FAM167A: variants seen among roughly 807,000 people sequenced by gnomAD.
FAM167A encodes the protein family with sequence similarity 167 member A.
In FAM167A, 23 loss-of-function variants were observed where a neutral mutation model predicts 14.9. That is an observed-to-expected ratio of 1.55 (90% CI 1.11 to 2.19). The LOEUF (loss-of-function observed/expected upper bound fraction) is 2.19. Ranked by LOEUF, FAM167A falls within the 30% of genes most tolerant of loss-of-function variation. The pLI, the probability that FAM167A is intolerant of heterozygous loss-of-function variation, is 0.00. For synonymous variants in FAM167A, 174 were observed against 117.7 expected (o/e 1.48, Z -3.10); for missense variants, 401 against 281.5 (o/e 1.42, Z -3.04).
chr8:11,450,711 A>C (rs539027390), intron 1 of FAM167A, among the ~76,000 whole-genome samples: 2 of 152,304 alleles, frequency 1.3e-5, no homozygotes, highest in African/African-American at 4.8e-5. Flanking sequence ...TGAGCCAATA[A>C]AACAGATTTC....
chr8:11,455,891 CAG>C (rs1491219796), intron 1 of FAM167A, among the ~76,000 whole-genome samples: 5 of 57,252 alleles, frequency 8.7e-5, no homozygotes, highest in South Asian at 1.3e-3. Context: ...GGTTGCCTTG[CAG>C]AGTGTGAGTG....
chr8:11,449,659 C>T lies in FAM167A; in HGVS notation c.-397-4851G>A, dbSNP rs115372009. 2.7e-3 allele frequency among the ~76,000 whole-genome samples: 405 copies of T among 152,362 alleles called. 4 individuals are homozygous for T. Among genetic ancestry groups the T allele is most frequent in the African/African-American group, 9.4e-3 (392 of 41,588 alleles). On this transcript the variant is annotated intron_variant, in intron 1 of 2. Transcript: ENST00000284486. ...CCCAGGCACGCCCCGCCAGGCAGGC[C>T]ACCCAGCAGCAGTGGGGACAAGCCC...
chr8:11,453,796 T>A (rs1807120581), intron 1 of FAM167A, among the ~76,000 whole-genome samples: 1 of 151,764 alleles, frequency 6.6e-6, no homozygotes, highest in Non-Finnish European at 1.5e-5. Context: ...CCACCTTCAC[T>A]GAGTTTATGG....
At chr8:11,437,906 TCATCATCCAC>T (rs1170971131) in intron 2 of FAM167A, 2 of 194,834 alleles carry the variant, frequency 1.0e-5, no homozygotes, top group Non-Finnish European at 2.2e-5. Flanking sequence ...TTGGTTAATT[TCATCATCCAC>T]CATCATCCAC....
rs1054214861 is a variant in FAM167A, at chr8:11,458,958, G to A, written c.-398+7668C>T. ...ACACTAGCCTGGGCTTCAGGAGGGC[G>A]AATTCGCCCCCAGTTCTTCCCCCTG... On this transcript the variant is annotated intron_variant, in intron 1 of 2. Transcript: ENST00000284486. Among the ~76,000 whole-genome samples, 21 of 152,248 alleles carry A rather than the reference G, an allele frequency of 1.4e-4. 1 individual carries two copies. Among genetic ancestry groups the A allele is most frequent in the African/African-American group, 4.6e-4 (19 of 41,464 alleles).
At chr8:11,429,218 C>A (rs1399011359) in intron 2 of FAM167A, among the ~76,000 whole-genome samples, 1 of 152,178 alleles carries the variant, frequency 6.6e-6, no homozygotes, top group Non-Finnish European at 1.5e-5. Context: ...CAGTATTTGT[C>A]CTTTGTGAGT....
intron 1 of FAM167A, among the ~76,000 whole-genome samples, chr8:11,448,786 C>T (rs1027340661): frequency 3.9e-5 from 6 of 152,268 alleles, no homozygotes; most frequent in Non-Finnish European, 7.3e-5. Context: ...CCTGTGCTCT[C>T]TGCATGGCAG....
intron 2 of FAM167A, 85 bp downstream of exon 2, chr8:11,443,946 G>A (rs1005284523): frequency 4.5e-5 from 66 of 1,471,138 alleles, no homozygotes; most frequent in Non-Finnish European, 4.4e-5. Context: ...TGGGGGTGGG[G>A]AGACAGACAG....
chr8:11,429,930 C>T (rs1028360156), intron 2 of FAM167A, among the ~76,000 whole-genome samples: 8 of 152,202 alleles, frequency 5.3e-5, no homozygotes, highest in African/African-American at 9.7e-5. Context: ...ATATGAACTA[C>T]GCTGGCCAAA....
chr8:11,429,016 C>T (rs1009442171), intron 2 of FAM167A, among the ~76,000 whole-genome samples: 12 of 152,138 alleles, frequency 7.9e-5, no homozygotes, highest in Non-Finnish European at 1.2e-4. Context: ...AAGTGTACAG[C>T]TCGGTGGCAA....
intron 1 of FAM167A, among the ~76,000 whole-genome samples, chr8:11,447,816 C>A (rs993028607): frequency 6.6e-6 from 1 of 152,218 alleles, no homozygotes; most frequent in Non-Finnish European, 1.5e-5. Context: ...TCTGTGTCCT[C>A]TTCTGAGAAA....
intron 1 of FAM167A, among the ~76,000 whole-genome samples, chr8:11,457,262 G>C (rs1317354023): frequency 1.3e-5 from 2 of 151,964 alleles, no homozygotes; most frequent in Non-Finnish European, 2.9e-5. Flanking sequence ...GACAGCACTA[G>C]CCTTCCCCCT....
intron 2 of FAM167A, among the ~76,000 whole-genome samples, chr8:11,431,918 A>G (rs1805625453): frequency 9.3e-5 from 1 of 10,700 alleles, no homozygotes. Flanking sequence ...AAAAAAAAAA[A>G]AGGATTTTGT....
At chr8:11,431,239 C>T (rs1384835750) in intron 2 of FAM167A, among the ~76,000 whole-genome samples, 2 of 152,224 alleles carry the variant, frequency 1.3e-5, no homozygotes, top group African/African-American at 4.8e-5. Flanking sequence ...TGGCACATGC[C>T]ATAACATGGA....
At chr8:11,443,009 G>A (rs1024128793) in intron 2 of FAM167A, among the ~76,000 whole-genome samples, 6 of 152,180 alleles carry the variant, frequency 3.9e-5, no homozygotes, top group Non-Finnish European at 8.8e-5. Flanking sequence ...AACCAAGCAG[G>A]CCTCAGCCTA....
At chr8:11,464,316 G>A (rs775765909) in intron 1 of FAM167A, among the ~76,000 whole-genome samples, 2 of 152,150 alleles carry the variant, frequency 1.3e-5, no homozygotes, top group Non-Finnish European at 2.9e-5. Context: ...TGAGACCTGC[G>A]GCCTACCTGA....
chr8:11,469,287 C>A (rs1300947738), upstream of FAM167A, among the ~76,000 whole-genome samples: 6 of 152,210 alleles, frequency 3.9e-5, no homozygotes, highest in Non-Finnish European at 8.8e-5. Context: ...TGTAAGCCTG[C>A]ATTCGTTTTC....
chr8:11,434,480 G>A (rs1459886370), intron 2 of FAM167A, among the ~76,000 whole-genome samples: 1 of 152,106 alleles, frequency 6.6e-6, no homozygotes, highest in African/African-American at 2.4e-5. Context: ...GTGCCCCCTG[G>A]GGAATGGTGA....
At chr8:11,445,121 C>T in intron 1 of FAM167A, 1 of 984,490 alleles carries the variant, frequency 1.0e-6, no homozygotes, top group African/African-American at 1.7e-5. Flanking sequence ...GAGGAACCCA[C>T]ATATCCTAGA....
Sources: allele counts gnomAD v4.1 joint callset (sites outside exome capture counted in the v4.1 genomes callset), GRCh38; gene constraint gnomAD v4.1.1; transcripts MANE v1.5; gene names NCBI Gene and HGNC (gene_info 2026-07-23, HGNC 2026-07-21).